The following RASAL2 variants were observed in gnomAD, a reference collection of about 807,000 sequenced individuals.
The protein encoded by RASAL2 is ras GTPase-activating protein nGAP.
In RASAL2, 58 loss-of-function variants were observed where a neutral mutation model predicts 128.9. The ratio of observed to expected loss-of-function variants is 0.45; its 90% CI spans 0.36 to 0.56. The LOEUF (loss-of-function observed/expected upper bound fraction) is 0.56, where lower values mean the gene tolerates loss of function less well. RASAL2 is among the 20% of genes least tolerant of loss of function. RASAL2 has a pLI of 0.00. For missense variants in RASAL2, 1,360 were observed against 1,601.6 expected (o/e 0.85, Z 2.57); for synonymous variants, 561 against 580.8 (o/e 0.97, Z 0.49).
intron 1 of RASAL2, among the ~76,000 whole-genome samples, chr1:178,187,922 A>G (rs1186596377): frequency 6.6e-6 from 1 of 152,074 alleles, no homozygotes; most frequent in Non-Finnish European, 1.5e-5. Flanking sequence ...GCCCCAAAGT[A>G]TGCTTTTTTT....
At chr1:178,136,458 T>C (rs953206946) in intron 1 of RASAL2, among the ~76,000 whole-genome samples, 2 of 152,100 alleles carry the variant, frequency 1.3e-5, no homozygotes, top group African/African-American at 4.8e-5. Flanking sequence ...ACTCTATTTT[T>C]TCCCTTAAAG....
chr1:178,152,728 A>G (rs1397558930), intron 1 of RASAL2, among the ~76,000 whole-genome samples: 45 of 152,192 alleles, frequency 3.0e-4, no homozygotes, highest in Non-Finnish European at 2.9e-5. Context: ...ATACATACAC[A>G]AAAGTGGAGA....
chr1:178,350,407 T>C (rs189336605), intron 3 of RASAL2, among the ~76,000 whole-genome samples: 80 of 152,294 alleles, frequency 5.3e-4, no homozygotes, highest in African/African-American at 1.4e-3. Flanking sequence ...TTGTTTTGTT[T>C]TGTTTTTGTA....
At chr1:178,457,593 C>G in intron 13 of RASAL2, 90 bp from the exon 14 acceptor site, 1 of 1,358,196 alleles carries the variant, frequency 7.4e-7, no homozygotes, top group Non-Finnish European at 1.0e-6. Flanking sequence ...ACATAAGAAC[C>G]TTCGGAGGAG....
At chr1:178,252,247 A>C (rs553787108) in intron 1 of RASAL2, among the ~76,000 whole-genome samples, 18 of 152,180 alleles carry the variant, frequency 1.2e-4, no homozygotes, top group Non-Finnish European at 2.5e-4. Context: ...AAACCTATTA[A>C]TTTTGCATTT....
chr1:178,100,697 G>A (rs112408325), intron 1 of RASAL2, among the ~76,000 whole-genome samples: 2 of 152,310 alleles, frequency 1.3e-5, no homozygotes, highest in Admixed American at 6.5e-5. Context: ...TCATTAGAAG[G>A]AAGGATGAGG....
At chr1:178,198,378 T>C (rs1247426401) in intron 1 of RASAL2, among the ~76,000 whole-genome samples, 1 of 152,218 alleles carries the variant, frequency 6.6e-6, no homozygotes, top group Admixed American at 6.5e-5. Flanking sequence ...GGGGGCACTC[T>C]GGTTTTTAGA....
intron 1 of RASAL2, among the ~76,000 whole-genome samples, chr1:178,137,167 C>A (rs892183274): frequency 6.6e-6 from 1 of 152,116 alleles, no homozygotes; most frequent in Admixed American, 6.6e-5. Flanking sequence ...TCTTGTTATT[C>A]AGAGTCTTAG....
intron 3 of RASAL2, among the ~76,000 whole-genome samples, chr1:178,365,162 G>C (rs1671332195): frequency 6.6e-6 from 1 of 151,712 alleles, no homozygotes; most frequent in African/African-American, 2.4e-5. Flanking sequence ...TACTTCTGAT[G>C]CTAACATCCT....
At chr1:178,186,830 T>G (rs1662318384) in intron 1 of RASAL2, among the ~76,000 whole-genome samples, 1 of 151,986 alleles carries the variant, frequency 6.6e-6, no homozygotes, top group South Asian at 2.1e-4. Flanking sequence ...TTTCTTTTTT[T>G]GGGGGGTTGG....
At chr1:178,294,687 G>T (rs929283995) in intron 2 of RASAL2, among the ~76,000 whole-genome samples, 1 of 152,172 alleles carries the variant, frequency 6.6e-6, no homozygotes, top group Non-Finnish European at 1.5e-5. Flanking sequence ...TGGACAATAG[G>T]CAGCCACTGT....
At chr1:178,135,664 A>C (rs1353936487) in intron 1 of RASAL2, among the ~76,000 whole-genome samples, 4 of 152,178 alleles carry the variant, frequency 2.6e-5, no homozygotes, top group Non-Finnish European at 1.5e-5. Context: ...GTCCATTTTC[A>C]TGCTGCTGAT....
chr1:178,431,470 A>T (rs1180513910), intron 5 of RASAL2, among the ~76,000 whole-genome samples: 2 of 152,138 alleles, frequency 1.3e-5, no homozygotes, highest in Non-Finnish European at 2.9e-5. Context: ...AGGTAGAAAC[A>T]TGCACTGCTG....
At position 178,365,888 on chromosome 1, in the gene RASAL2, A is replaced by T. The variant is rs570248871; in HGVS notation, c.458-24212A>T. Among the ~76,000 whole-genome samples the T allele has an allele frequency of 1.1e-4, 17 of 152,318 alleles. 2 individuals carry two copies. The South Asian group carries it at 3.5e-3, about 32-fold the overall frequency. On this transcript the variant is annotated intron_variant, in intron 3 of 17. Coordinates refer to ENST00000367649, the MANE Select transcript of RASAL2 (RefSeq NM_170692.4). The stretch of plus-strand genomic sequence containing the variant: ...AATATTTGAGACATATTTTAATATT[A>T]TATAGATTATTACTTTGAATTATAC...
At chr1:178,280,761 T>C (rs1256512361) in intron 1 of RASAL2, among the ~76,000 whole-genome samples, 1 of 152,162 alleles carries the variant, frequency 6.6e-6, no homozygotes, top group Non-Finnish European at 1.5e-5. Flanking sequence ...TCAGTTTTGC[T>C]ATTAAGATTC....
intron 3 of RASAL2, among the ~76,000 whole-genome samples, chr1:178,344,269 T>G (rs932256988): frequency 6.6e-6 from 1 of 152,218 alleles, no homozygotes; most frequent in African/African-American, 2.4e-5. Context: ...TTTTGACTCA[T>G]TGAAAGGAAC....
At chr1:178,163,340 C>A (rs751059684) in intron 1 of RASAL2, among the ~76,000 whole-genome samples, 3 of 151,944 alleles carry the variant, frequency 2.0e-5, no homozygotes, top group Non-Finnish European at 4.4e-5. Context: ...TTTTTTCTTA[C>A]CTGTGCTTTT....
rs148778385 is a variant in RASAL2 at position 178,102,181 on chromosome 1, T to C, written c.202+7487T>C. Among the ~76,000 whole-genome samples the C allele has an allele frequency of 1.9e-4, 29 of 152,328 alleles. No individual in the cohort carries two copies. In the East Asian group the frequency reaches 5.6e-3, roughly 29 times the overall value. On this transcript the variant is annotated intron_variant, in intron 1 of 17. Coordinates refer to ENST00000367649, the MANE Select transcript of RASAL2 (RefSeq NM_170692.4). ...ACCTTCCACTTGAATTTCTAACCTC[T>C]GATTCCTGTCATTAAAAATTAATAC... is the stretch of plus-strand genomic sequence containing the variant.
At chr1:178,258,715 T>G (rs1665507752) in intron 1 of RASAL2, among the ~76,000 whole-genome samples, 1 of 152,146 alleles carries the variant, frequency 6.6e-6, no homozygotes, top group South Asian at 2.1e-4. Context: ...TTCAAACAAT[T>G]AAAATAACAT....
Sources: gnomAD v4.1 joint callset for allele counts (sites outside exome capture counted in the v4.1 genomes callset) on GRCh38, gnomAD v4.1.1 for gene constraint, MANE v1.5 for transcripts, NCBI Gene and HGNC (gene_info 2026-07-23, HGNC 2026-07-21) for gene names.